The following BICRA variants were observed in gnomAD, a reference collection of about 807,000 sequenced individuals.
The protein encoded by BICRA is BRD4 interacting chromatin remodeling complex associated protein.
In BICRA, 31 loss-of-function variants were observed where a neutral mutation model predicts 96.9. That is an observed-to-expected ratio of 0.32 (90% CI 0.24 to 0.43). The LOEUF (loss-of-function observed/expected upper bound fraction) is 0.43. Ranked by LOEUF, BICRA falls within the 20% of genes least tolerant of loss-of-function variation. The pLI, the probability that BICRA is intolerant of heterozygous loss-of-function variation, is 1.00. For synonymous variants in BICRA, 1,350 were observed against 1,071.8 expected (o/e 1.26, Z -5.07); for missense variants, 2,283 against 2,190.3 (o/e 1.04, Z -0.84).
intron 1 of BICRA, among the ~76,000 whole-genome samples, chr19:47,642,770 C>T (rs1599807913): frequency 2.0e-5 from 3 of 152,170 alleles, no homozygotes; most frequent in Non-Finnish European, 4.4e-5. Context: ...CAGTTGTTTA[C>T]CACCAGCAAT....
chr19:47,668,951 CTCTACTTAGCCGGGTA>C (rs1972823831), intron 1 of BICRA, among the ~76,000 whole-genome samples: 1 of 151,902 alleles, frequency 6.6e-6, no homozygotes, highest in South Asian at 2.1e-4. Flanking sequence ...GAAACCTTGT[CTCTACTTAGCCGGGTA>C]TAGTGGCAGG....
intron 5 of BICRA, among the ~76,000 whole-genome samples, chr19:47,676,945 G>C (rs2123581334): frequency 6.6e-6 from 1 of 152,204 alleles, no homozygotes; most frequent in South Asian, 2.1e-4. Flanking sequence ...GAGGCAGGTT[G>C]GTTGTGACCA....
chr19:47,616,229 G>A (rs1308660691), intron 1 of BICRA, among the ~76,000 whole-genome samples: 1 of 152,210 alleles, frequency 6.6e-6, no homozygotes, highest in Non-Finnish European at 1.5e-5. Context: ...AAAAATGTGA[G>A]TGGCTGTGAT....
chr19:47,685,555 G>C (rs1445411779), intron 7 of BICRA, among the ~76,000 whole-genome samples: 1 of 152,164 alleles, frequency 6.6e-6, no homozygotes, highest in African/African-American at 2.4e-5. Context: ...GTCCCCTGGT[G>C]GGGACAGAAT....
At chr19:47,620,910 C>T (rs1159732727) in intron 1 of BICRA, among the ~76,000 whole-genome samples, 1 of 152,120 alleles carries the variant, frequency 6.6e-6, no homozygotes, top group Non-Finnish European at 1.5e-5. Flanking sequence ...GCAGGCCTGT[C>T]ATCCAGTCAA....
At chr19:47,613,991 A>C (rs931652337) in intron 1 of BICRA, among the ~76,000 whole-genome samples, 5 of 151,768 alleles carry the variant, frequency 3.3e-5, no homozygotes, top group Admixed American at 2.0e-4. Context: ...TTCCCAATTA[A>C]ACTTCCTGAG....
At chr19:47,664,161 TTG>T (rs746899991) in intron 1 of BICRA, among the ~76,000 whole-genome samples, 1 of 152,168 alleles carries the variant, frequency 6.6e-6, no homozygotes, top group Non-Finnish European at 1.5e-5. Flanking sequence ...TCTGGAGACT[TTG>T]TATTACTGGC....
Position 47,637,496 on chromosome 19 carries a change from C to T in BICRA, c.-108+28328C>T, listed in dbSNP as rs964927714. Among the ~76,000 whole-genome samples the T allele has an allele frequency of 1.3e-3, 203 of 152,168 alleles. 1 individual carries two copies. Among genetic ancestry groups the T allele is most frequent in the Non-Finnish European group, 3.1e-4 (21 of 68,030 alleles). ...TTGGTGCAATCTCAGCTCACTACAA[C>T]CTCTGCCTGCTGGGTTCAAGTGATT... is the stretch of plus-strand genomic sequence containing the variant. On this transcript the variant is annotated intron_variant, in intron 1 of 14. Coordinates refer to ENST00000594866, the MANE Select transcript of BICRA (RefSeq NM_001394372.1).
rs866657257 is a variant in BICRA, at chr19:47,682,406, A to G, written c.2283+254A>G. On this transcript the variant is annotated intron_variant, in intron 7 of 14. Coordinates refer to ENST00000594866, the MANE Select transcript of BICRA (RefSeq NM_001394372.1). ...AAATCTGTTCTTTCCTAAAATTATA[A>G]TTTTCAAATCTGAATAAGTAATACA... Among the ~76,000 whole-genome samples, 12 of 152,190 alleles carry G rather than the reference A, an allele frequency of 7.9e-5. No individual in the cohort carries two copies. The South Asian group carries it at 2.5e-3, about 32-fold the overall frequency.
At chr19:47,619,610 GAGGGGCC>G (rs1268060887) in intron 1 of BICRA, among the ~76,000 whole-genome samples, 1 of 151,824 alleles carries the variant, frequency 6.6e-6, no homozygotes, top group East Asian at 2.0e-4. Context: ...AAAATCCGCA[GAGGGGCC>G]AGGCACGGTG....
Position 47,701,031 on chromosome 19 carries a change from G to T in BICRA, c.3596-297G>T. 1 of 436,092 alleles carries T rather than the reference G, an allele frequency of 2.3e-6. No individual in the cohort carries two copies. Among genetic ancestry groups the T allele is most frequent in the East Asian group, 4.7e-5 (1 of 21,432 alleles). The allele number at this position is 436,092 out of a possible 1,614,324, so 27.0% of individuals were successfully genotyped here. A position where few individuals can be genotyped will look rare whatever the true frequency, so the allele number is the denominator to read the frequency against. ...GGGCTCAAGCGATCCCCCTCCCTTG[G>T]CCTCCCAAAGTGCTGGGATTACAGG... On this transcript the variant is annotated intron_variant, in intron 14 of 14. Transcript: ENST00000594866. This position sits in a 1 kb window ranked among gnomAD's most constrained non-coding sequence, Gnocchi z 5.4.
At chr19:47,611,707 A>T (rs1971909796) in intron 1 of BICRA, among the ~76,000 whole-genome samples, 1 of 152,192 alleles carries the variant, frequency 6.6e-6, no homozygotes, top group Non-Finnish European at 1.5e-5. Flanking sequence ...CAGGTCATTT[A>T]ACTGCTGGTC....
chr19:47,701,557 C>A lies in BICRA; in HGVS notation c.3825C>A (p.Ser1275=), dbSNP rs760002313. The change falls in exon 15 of 15, where the codon TCC becomes TCA. Residue 1275 remains serine, a synonymous_variant. Coordinates refer to ENST00000594866, the MANE Select transcript of BICRA (RefSeq NM_001394372.1). The surrounding 1 kb of genome is among the most constrained non-coding windows in gnomAD (Gnocchi z 5.4). ...CCCTGTCCTCCTCTTCCTCCTCCTCCTCTGCCGCCTCCTCCTTGGACGCCG... is the reference window on the plus strand; with the variant it reads ...CCCTGTCCTCCTCTTCCTCCTCCTCATCTGCCGCCTCCTCCTTGGACGCCG... ...SSSLSSSSSS[S]SAASSLDADE... The A allele has an allele frequency of 6.4e-7, 1 of 1,551,204 alleles. No homozygotes were observed. Among genetic ancestry groups the A allele is most frequent in the South Asian group, 1.2e-5 (1 of 84,282 alleles).
intron 1 of BICRA, among the ~76,000 whole-genome samples, chr19:47,624,557 G>A (rs1054886800): frequency 6.6e-5 from 10 of 152,142 alleles, no homozygotes. Flanking sequence ...GACATGAAGT[G>A]AGCTTGTGAC....
Position 47,699,225 on chromosome 19 carries a change from C to A in BICRA, c.3493-78C>A. 3 of 905,976 alleles carry A rather than the reference C, an allele frequency of 3.3e-6. No individual in the cohort carries two copies. The allele number at this position is 905,976 out of a possible 1,614,324, so 56.1% of individuals were successfully genotyped here. The stretch of plus-strand genomic sequence containing the variant: ...CATCACAAGGACAGTTTGGACCTTG[C>A]ACGCATCGTCCCCGTCGCTCGCGCC... On this transcript the variant is annotated intron_variant, in intron 13 of 14. Coordinates refer to ENST00000594866, the MANE Select transcript of BICRA (RefSeq NM_001394372.1). The surrounding 1 kb of genome is among the most constrained non-coding windows in gnomAD (Gnocchi z 5.0).
chr19:47,699,117 T>C lies in BICRA; in HGVS notation c.3492+58T>C. On this transcript the variant is annotated intron_variant, in intron 13 of 14. Coordinates refer to ENST00000594866, the MANE Select transcript of BICRA (RefSeq NM_001394372.1). This position sits in a 1 kb window ranked among gnomAD's most constrained non-coding sequence, Gnocchi z 5.0. Reference sequence around the variant, plus strand: ...CTCCTCCTCGCTGGGACACTGCCCCTTTCCCTCACCCGCTCTGGGCAAGGT... The same window carrying C: ...CTCCTCCTCGCTGGGACACTGCCCCCTTCCCTCACCCGCTCTGGGCAAGGT... The C allele has an allele frequency of 4.9e-6, 6 of 1,232,360 alleles. No homozygotes were observed. Among genetic ancestry groups the C allele is most frequent in the Non-Finnish European group, 7.0e-6 (6 of 860,472 alleles). The allele number at this position is 1,232,360 out of a possible 1,614,324, so 76.3% of individuals were successfully genotyped here.
At chr19:47,643,236 C>T (rs1199171055) in intron 1 of BICRA, among the ~76,000 whole-genome samples, 1 of 152,268 alleles carries the variant, frequency 6.6e-6, no homozygotes, top group East Asian at 1.9e-4. Flanking sequence ...TTCCAAAGTG[C>T]TGGGATTACA....
chr19:47,687,812 A>G (rs1357350565), intron 7 of BICRA, among the ~76,000 whole-genome samples: 1 of 100,314 alleles, frequency 1.0e-5, no homozygotes, highest in Non-Finnish European at 2.0e-5. Flanking sequence ...GCAGAGTGAG[A>G]CTCTGCCTCA....
chr19:47,650,422 A>G (rs1014840094), intron 1 of BICRA, among the ~76,000 whole-genome samples: 73 of 152,192 alleles, frequency 4.8e-4, no homozygotes, highest in African/African-American at 1.7e-3. Context: ...GCACCTGGCC[A>G]ATTTTTGTAT....
Sources: gnomAD v4.1 joint callset for allele counts (sites outside exome capture counted in the v4.1 genomes callset) on GRCh38, gnomAD v4.1.1 for gene constraint, Gnocchi (gnomAD v3.1) non-coding constraint, MANE v1.5 for transcripts, NCBI Gene and HGNC (gene_info 2026-07-23, HGNC 2026-07-21) for gene names.